MAP3K13: variants seen among roughly 807,000 people sequenced by gnomAD.
MAP3K13 encodes the protein leucine zipper-bearing kinase.
MAP3K13 carries 52 observed loss-of-function variants against 104.0 expected under a neutral mutation model. The ratio of observed to expected loss-of-function variants is 0.50; its 90% confidence interval spans 0.40 to 0.63. MAP3K13 has a LOEUF of 0.63. Ranked by LOEUF, MAP3K13 falls within the 20% of genes least tolerant of loss-of-function variation. The probability of loss-of-function intolerance (pLI) is 0.00; values close to 1 mark genes in which losing one functional copy is unlikely to be tolerated. For synonymous variants in MAP3K13, 394 were observed against 442.2 expected, an observed-to-expected ratio of 0.89 and a Z score of 1.37; for missense variants, 914 against 1,218.5, an observed-to-expected ratio of 0.75 and a Z score of 3.72.
At chr3:185,463,696 C>T in intron 8 of MAP3K13, 37 bp downstream of exon 8, 2 of 1,287,270 alleles carry the variant, frequency 1.6e-6, no homozygotes, top group Non-Finnish European at 2.3e-6. Context: ...CCCTTCATCC[C>T]CAGGTCTTCA....
At chr3:185,359,629 T>C (rs1336048604), upstream of MAP3K13, among the ~76,000 whole-genome samples, 2 of 152,206 alleles carry the variant, frequency 1.3e-5, no homozygotes, top group Admixed American at 6.5e-5. Flanking sequence ...ACTTTAACCT[T>C]CACACAATAA....
At position 185,288,320 on chromosome 3, in the gene MAP3K13, A is replaced by G. The variant is rs980933413; in HGVS notation, c.-86+2677A>G. On this transcript the variant is annotated intron_variant, in intron 2 of 14. Transcript: ENST00000424227. The stretch of plus-strand genomic sequence containing the variant: ...GAAAGCTGCTTCTGTATGTGTGTGT[A>G]TATATGTGTGTACATAGATACATAG... Among the ~76,000 whole-genome samples, 3 of 152,030 alleles carry G rather than the reference A, an allele frequency of 2.0e-5. No individual in the cohort carries two copies. In the East Asian group the frequency reaches 5.8e-4, roughly 29 times the overall value.
At position 185,437,564 on chromosome 3, in the gene MAP3K13, G is replaced by A. The variant is rs1338351715; in HGVS notation, c.593G>A (p.Arg198Lys). ...RAEEVAIKKV[R>K]EQNETDIKHL... Reference sequence around the variant, plus strand: ...GAAGAGGTGGCCATCAAGAAAGTGAGAGAACAGAATGAGACGGATATCAAG... The same window carrying A: ...GAAGAGGTGGCCATCAAGAAAGTGAAAGAACAGAATGAGACGGATATCAAG... The change falls in exon 3 of 14, where the codon AGA becomes AAA. Residue 198 changes from arginine (R) to lysine (K), a missense_variant. Coordinates refer to ENST00000265026, the MANE Select transcript of MAP3K13 (RefSeq NM_004721.5). 16 of 1,613,844 alleles carry A rather than the reference G, an allele frequency of 9.9e-6. No homozygotes were observed. In the Admixed American group the frequency reaches 1.0e-4, roughly 10 times the overall value.
At chr3:185,421,214 G>A (rs1315295393) in intron 1 of MAP3K13, among the ~76,000 whole-genome samples, 2 of 151,426 alleles carry the variant, frequency 1.3e-5, no homozygotes, top group South Asian at 2.1e-4. Flanking sequence ...TTGTTTTCGA[G>A]GCGGAGTCTC....
rs531173006 is a variant in MAP3K13 at position 185,428,812 on chromosome 3, G to A, written c.231G>A (p.Arg77=). ...TGACGAGCGTAAGTGAGGATTCCAG[G>A]GACCAGTTTGAGAACAGCGTTCTTC... The part of the protein sequence containing the change: ...TVLTSVSEDS[R]DQFENSVLQL... Residue 77 remains arginine (R), a synonymous_variant, in exon 2 of 14, where the codon AGG becomes AGA. Transcript: ENST00000265026. 6.4e-5 allele frequency: 104 copies of A among 1,614,098 alleles called. No homozygotes were observed. Among genetic ancestry groups the A allele is most frequent in the Admixed American group, 1.3e-4 (8 of 60,016 alleles).
At chr3:185,401,348 G>GT (rs1475455689) in intron 1 of MAP3K13, among the ~76,000 whole-genome samples, 5 of 152,166 alleles carry the variant, frequency 3.3e-5, no homozygotes, top group Non-Finnish European at 7.3e-5. Flanking sequence ...GTGGGAGCAG[G>GT]TGAGTGAGAG....
At chr3:185,431,624 T>C (rs1714745796) in intron 2 of MAP3K13, among the ~76,000 whole-genome samples, 1 of 152,206 alleles carries the variant, frequency 6.6e-6, no homozygotes, top group African/African-American at 2.4e-5. Flanking sequence ...TGAGATTCTA[T>C]TTATTTTATA....
upstream of MAP3K13, among the ~76,000 whole-genome samples, chr3:185,362,271 C>A (rs1261357598): frequency 6.6e-6 from 1 of 152,150 alleles, no homozygotes; most frequent in East Asian, 1.9e-4. Context: ...ATATTCATCT[C>A]CAATTTTGTA....
rs975087756 is a variant in MAP3K13 at position 185,315,204 on chromosome 3, C to T, written c.-86+29561C>T. ...GGCGGAGGTTGCAGTGAGCTGAGAT[C>T]GCACCACTGCACTCCAGCCTGGGTG... On this transcript the variant is annotated intron_variant, in intron 2 of 14. Transcript: ENST00000424227. The surrounding 1 kb of genome is among the most constrained non-coding windows in gnomAD (Gnocchi z 4.3). Among the ~76,000 whole-genome samples the T allele has an allele frequency of 1.3e-5, 2 of 151,816 alleles. No individual in the cohort carries two copies. Among genetic ancestry groups the T allele is most frequent in the African/African-American group, 2.4e-5 (1 of 41,324 alleles).
At chr3:185,349,346 G>A (rs900970489) in intron 2 of MAP3K13, among the ~76,000 whole-genome samples, 14 of 152,006 alleles carry the variant, frequency 9.2e-5, no homozygotes, top group South Asian at 2.1e-4. Flanking sequence ...TAGCTCTCAC[G>A]TATAAGTGAA....
chr3:185,395,978 C>T lies in MAP3K13; in HGVS notation c.-85-32519C>T, dbSNP rs535451112. ...ACAGGCATGAGCCACTGCGTCTGGC[C>T]CTAATTTAGCTTTTAAAAACACCAT... is the stretch of plus-strand genomic sequence containing the variant. On this transcript the variant is annotated intron_variant, in intron 1 of 13. Transcript: ENST00000265026. Among the ~76,000 whole-genome samples the T allele has an allele frequency of 3.2e-4, 49 of 152,148 alleles. No homozygotes were observed. In the Middle Eastern group the frequency reaches 0.01, roughly 32 times the overall value.
In MAP3K13 at chr3:185,428,493, TC is replaced by T; in HGVS notation, c.-85-3del. The T allele has an allele frequency of 5.4e-6, 8 of 1,482,666 alleles. No homozygotes were observed. The highest frequency in any genetic ancestry group is 7.2e-6 in the Non-Finnish European group (8 of 1,116,484). 91.8% of individuals were successfully genotyped at this position (1,482,666 alleles called of 1,614,324 possible). On this transcript the variant is annotated splice_polypyrimidine_tract_variant and splice_region_variant and intron_variant, in intron 1 of 13. Coordinates refer to ENST00000265026, the MANE Select transcript of MAP3K13 (RefSeq NM_004721.5). Reference sequence around the variant, plus strand: ...ATCTCTTATCTCCCTCCTGTTTTTCTCAGGTTTTGGAGCCCTCTCTTAAGTC... The same window carrying T: ...ATCTCTTATCTCCCTCCTGTTTTTCTAGGTTTTGGAGCCCTCTCTTAAGTC...
intron 4 of MAP3K13, among the ~76,000 whole-genome samples, chr3:185,445,622 C>T (rs543055346): frequency 2.6e-4 from 40 of 152,162 alleles, no homozygotes; most frequent in African/African-American, 8.9e-4. Flanking sequence ...ACCCAGTAAG[C>T]CTTTCCCTCT....
At chr3:185,443,353 G>A (rs889537345) in intron 3 of MAP3K13, 92 bp from the exon 4 acceptor site, 6 of 804,958 alleles carry the variant, frequency 7.5e-6, no homozygotes, top group African/African-American at 5.2e-5. Context: ...AATAATTCGG[G>A]TATAGAATTG....
intron 4 of MAP3K13, among the ~76,000 whole-genome samples, chr3:185,444,300 T>C (rs1715478443): frequency 6.6e-6 from 1 of 151,802 alleles, no homozygotes; most frequent in South Asian, 2.1e-4. Context: ...CACACCACTG[T>C]ACTCCAGCCT....
chr3:185,395,145 T>A (rs972256952), intron 1 of MAP3K13, among the ~76,000 whole-genome samples: 4 of 152,066 alleles, frequency 2.6e-5, no homozygotes, highest in African/African-American at 9.7e-5. Context: ...AGATTCTTGT[T>A]TCTTGATATA....
intron 2 of MAP3K13, among the ~76,000 whole-genome samples, chr3:185,308,873 C>T (rs1478013718): frequency 6.6e-6 from 1 of 152,110 alleles, no homozygotes; most frequent in African/African-American, 2.4e-5. Context: ...TTCAATGTGG[C>T]TGTTCTTGGC....
At chr3:185,417,497 A>G in intron 1 of MAP3K13, 1 of 1,592,708 alleles carries the variant, frequency 6.3e-7, no homozygotes, top group Admixed American at 1.8e-5. Context: ...TTAAGAGTTT[A>G]TGCAGCAGGC....
chr3:185,358,239 G>A (rs1220653685), upstream of MAP3K13, among the ~76,000 whole-genome samples: 8 of 152,008 alleles, frequency 5.3e-5, no homozygotes, highest in East Asian at 1.9e-4. Context: ...CAGCAGGGTC[G>A]AAAAAATGAA....
Sources: allele counts gnomAD v4.1 joint callset (sites outside exome capture counted in the v4.1 genomes callset), GRCh38; gene constraint gnomAD v4.1.1; non-coding constraint Gnocchi (gnomAD v3.1); transcripts MANE v1.5; gene names NCBI Gene and HGNC (gene_info 2026-07-23, HGNC 2026-07-21).